Variants in DIP2C observed in about 807,000 individuals in gnomAD.
DIP2C encodes the protein disco-interacting protein 2 homolog C.
DIP2C carries 33 observed loss-of-function variants against 192.4 expected under a neutral mutation model. That is an observed-to-expected ratio of 0.17 (90% confidence interval 0.13 to 0.23). DIP2C has a LOEUF of 0.23. Among genes scored for constraint, DIP2C ranks in the 10% least tolerant of loss-of-function variants. The probability of loss-of-function intolerance (pLI) is 1.00; values close to 1 mark genes in which losing one functional copy is unlikely to be tolerated. For synonymous variants in DIP2C, 979 were observed against 864.1 expected (o/e 1.13, Z -2.33); for missense variants, 1,537 against 2,110.1 (o/e 0.73, Z 5.32).
Position 313,612 on chromosome 10 carries a change from A to G in DIP2C, c.3925-3520T>C, listed in dbSNP as rs112787452. On this transcript the variant is annotated intron_variant, in intron 31 of 36. Coordinates refer to ENST00000280886, the MANE Select transcript of DIP2C (RefSeq NM_014974.3). Reference sequence around the variant, plus strand: ...GATTTAAAGTACACGGAGGATGTGCATGGGTTCTATGCAAATGCTGCGCCA... The same window carrying G: ...GATTTAAAGTACACGGAGGATGTGCGTGGGTTCTATGCAAATGCTGCGCCA... Among the ~76,000 whole-genome samples, 201 of 152,360 alleles carry G rather than the reference A, an allele frequency of 1.3e-3. 1 individual carries two copies. In the South Asian group the frequency reaches 0.015, roughly 11 times the overall value.
chr10:534,668 ATTAT>A (rs942530394), intron 1 of DIP2C, among the ~76,000 whole-genome samples: 3 of 130,654 alleles, frequency 2.3e-5, no homozygotes, highest in Non-Finnish European at 3.4e-5. Flanking sequence ...CTGGATGATT[ATTAT>A]TTTTTTTTTT....
At chr10:604,775 G>C (rs1188224125) in intron 1 of DIP2C, among the ~76,000 whole-genome samples, 1 of 152,168 alleles carries the variant, frequency 6.6e-6, no homozygotes, top group African/African-American at 2.4e-5. Flanking sequence ...TTTAATTTAG[G>C]GGGTTTGCCT....
intron 1 of DIP2C, among the ~76,000 whole-genome samples, chr10:595,159 G>A (rs180930616): frequency 9.2e-5 from 14 of 152,252 alleles, no homozygotes; most frequent in South Asian, 8.3e-4. Flanking sequence ...GGGCCCACAC[G>A]GAATCAAACT....
At chr10:285,436 C>T (rs554599441) in intron 34 of DIP2C, among the ~76,000 whole-genome samples, 150 of 152,272 alleles carry the variant, frequency 9.9e-4, no homozygotes, top group African/African-American at 3.2e-3. Context: ...TGTCCTTGGC[C>T]AGACATGGGG....
intron 17 of DIP2C, among the ~76,000 whole-genome samples, chr10:379,258 C>T (rs1239029416): frequency 1.3e-5 from 2 of 150,760 alleles, no homozygotes; most frequent in Admixed American, 6.6e-5. Flanking sequence ...GCTACCCCAC[C>T]CCAACCCCTT....
At position 387,821 on chromosome 10, in the gene DIP2C, A is replaced by G. The variant is rs1190536037; in HGVS notation, c.1598-12T>C. On this transcript the variant is annotated splice_polypyrimidine_tract_variant and intron_variant, in intron 13 of 36. Transcript: ENST00000280886. ...CACAATGGTTTCAGCTGCACAACAGAGGGAGTCAGGAGATTTTTACTTAGG... is the reference window on the plus strand; with the variant it reads ...CACAATGGTTTCAGCTGCACAACAGGGGGAGTCAGGAGATTTTTACTTAGG... 1 of 1,614,018 alleles carries G rather than the reference A, an allele frequency of 6.2e-7. No individual in the cohort carries two copies. The highest frequency in any genetic ancestry group is 1.3e-5 in the African/African-American group (1 of 74,906).
intron 1 of DIP2C, among the ~76,000 whole-genome samples, chr10:555,139 T>G (rs1848778738): frequency 6.6e-6 from 1 of 151,868 alleles, no homozygotes; most frequent in South Asian, 2.1e-4. Context: ...TAAACCACAA[T>G]CTCTTTACCC....
intron 10 of DIP2C, among the ~76,000 whole-genome samples, chr10:392,402 C>T (rs1285242090): frequency 6.6e-6 from 1 of 152,158 alleles, no homozygotes; most frequent in Non-Finnish European, 1.5e-5. Context: ...TGGTAGTGTC[C>T]GCCCGTGATT....
chr10:556,459 G>C (rs1182707098), intron 1 of DIP2C, among the ~76,000 whole-genome samples: 8 of 145,568 alleles, frequency 5.5e-5, no homozygotes, highest in South Asian at 2.3e-4. Context: ...ACCTTCCCAA[G>C]AGGGGGATCC....
At chr10:507,334 T>C (rs1433026573) in intron 1 of DIP2C, among the ~76,000 whole-genome samples, 8 of 150,864 alleles carry the variant, frequency 5.3e-5, no homozygotes, top group African/African-American at 2.0e-4. Flanking sequence ...GCTTTCAAGG[T>C]TAGGGACCTG....
At chr10:640,236 C>T (rs957912202) in intron 1 of DIP2C, among the ~76,000 whole-genome samples, 7 of 150,822 alleles carry the variant, frequency 4.6e-5, no homozygotes, top group African/African-American at 1.2e-4. Flanking sequence ...GCAGGACACA[C>T]AGACAGGCAC....
At chr10:519,763 A>G (rs1846582689) in intron 1 of DIP2C, among the ~76,000 whole-genome samples, 1 of 152,248 alleles carries the variant, frequency 6.6e-6, no homozygotes, top group Non-Finnish European at 1.5e-5. Flanking sequence ...CTTTCTCTGC[A>G]TGTCTAGTTA....
In DIP2C at chr10:423,054, T is replaced by C. The variant is rs767215792; in HGVS notation, c.395-21A>G. 11 of 1,577,660 alleles carry C rather than the reference T, an allele frequency of 7.0e-6. No homozygotes were observed. The South Asian group carries it at 7.0e-5, about 10-fold the overall frequency. On this transcript the variant is annotated intron_variant, in intron 4 of 36. Coordinates refer to ENST00000280886, the MANE Select transcript of DIP2C (RefSeq NM_014974.3). ...GGTATCTGTGTAAGAAGAAAGGTGA[T>C]TTGCTGTATGTTGCAGCAAAAACGT... is the stretch of plus-strand genomic sequence containing the variant.
At chr10:442,038 G>C (rs1013750448) in intron 3 of DIP2C, among the ~76,000 whole-genome samples, 1 of 150,660 alleles carries the variant, frequency 6.6e-6, no homozygotes, top group Non-Finnish European at 1.5e-5. Flanking sequence ...CAGAATAACA[G>C]GCTTCAAGAC....
At chr10:326,047 G>T (rs1039193977) in intron 31 of DIP2C, among the ~76,000 whole-genome samples, 2 of 152,052 alleles carry the variant, frequency 1.3e-5, no homozygotes, top group Non-Finnish European at 2.9e-5. Context: ...CAGGCGTGGT[G>T]GTGTGCACCT....
At chr10:289,189 G>A (rs1038834963) in intron 32 of DIP2C, among the ~76,000 whole-genome samples, 1 of 152,022 alleles carries the variant, frequency 6.6e-6, no homozygotes, top group African/African-American at 2.4e-5. Context: ...ATCACAGGAC[G>A]ACATGCCTCC....
intron 1 of DIP2C, among the ~76,000 whole-genome samples, chr10:617,169 C>T (rs1853524115): frequency 1.5e-5 from 1 of 65,668 alleles, no homozygotes; most frequent in South Asian, 8.8e-4. Flanking sequence ...TATTTCCTGC[C>T]CCCCGCCCCT....
chr10:447,366 C>T (rs1275124587), intron 3 of DIP2C, among the ~76,000 whole-genome samples: 3 of 149,846 alleles, frequency 2.0e-5, no homozygotes, highest in Non-Finnish European at 4.4e-5. Context: ...AGGACCCACT[C>T]ACCCCTGTCG....
At chr10:329,625 AGGGC>A in intron 29 of DIP2C, 24 bp from the exon 30 acceptor site, 1 of 1,610,586 alleles carries the variant, frequency 6.2e-7, no homozygotes, top group Non-Finnish European at 8.5e-7. Context: ...AGAGGCTGTC[AGGGC>A]GGGAGCTCAG....
Sources: allele counts gnomAD v4.1 joint callset (sites outside exome capture counted in the v4.1 genomes callset), GRCh38; gene constraint gnomAD v4.1.1; transcripts MANE v1.5; gene names NCBI Gene and HGNC (gene_info 2026-07-23, HGNC 2026-07-21).